Variants in PPP2R2C observed in about 807,000 individuals in gnomAD.
PPP2R2C encodes the protein protein phosphatase 2 regulatory subunit Bgamma, also known as protein phosphatase 2, regulatory subunit B, gamma.
In PPP2R2C, 10 loss-of-function variants were observed where a neutral mutation model predicts 45.3. That is an observed-to-expected ratio of 0.22 (90% CI 0.14 to 0.37). PPP2R2C has a LOEUF of 0.37. Among genes scored for constraint, PPP2R2C ranks in the 10% least tolerant of loss-of-function variants. The probability of loss-of-function intolerance (pLI) is 1.00; values close to 1 mark genes in which losing one functional copy is unlikely to be tolerated. For missense variants in PPP2R2C, 308 were observed against 619.7 expected, an observed-to-expected ratio of 0.50 and a Z score of 5.34; for synonymous variants, 257 against 245.4, an observed-to-expected ratio of 1.05 and a Z score of -0.44.
chr4:6,530,342 T>A (rs886236869), intron 2 of PPP2R2C, among the ~76,000 whole-genome samples: 14 of 152,120 alleles, frequency 9.2e-5, no homozygotes, highest in Non-Finnish European at 1.8e-4. Context: ...ACGCGACGTA[T>A]GTAGAAGCGT....
intron 2 of PPP2R2C, among the ~76,000 whole-genome samples, chr4:6,528,872 AC>A (rs995612851): frequency 9.2e-5 from 14 of 151,896 alleles, no homozygotes; most frequent in African/African-American, 3.4e-4. Flanking sequence ...TCCTTTACCT[AC>A]CCAAATCTTA....
At chr4:6,470,600 C>T (rs564261453) in intron 1 of PPP2R2C, among the ~76,000 whole-genome samples, 1 of 152,304 alleles carries the variant, frequency 6.6e-6, no homozygotes, top group East Asian at 1.9e-4. Context: ...GCTCTCGGCC[C>T]GAGCCAGGCC....
Position 6,329,216 on chromosome 4 carries a change from A to AT in PPP2R2C, c.1052+45_1052+46insA. The AT allele has an allele frequency of 1.3e-6, 2 of 1,562,214 alleles. No individual in the cohort carries two copies. Among genetic ancestry groups the AT allele is most frequent in the South Asian group, 2.2e-5 (2 of 89,024 alleles). On this transcript the variant is annotated intron_variant, in intron 8 of 8. Coordinates refer to ENST00000382599, the MANE Select transcript of PPP2R2C (RefSeq NM_020416.4). This position sits in a 1 kb window ranked among gnomAD's most constrained non-coding sequence, Gnocchi z 5.8. ...CAGCCCAGACCCCTGCAGGGCAGAA[A>AT]CCCTCCCTACGGTGAGGTGAGGTGC...
chr4:6,367,767 G>T (rs190099190), intron 5 of PPP2R2C, among the ~76,000 whole-genome samples: 2 of 152,184 alleles, frequency 1.3e-5, no homozygotes, highest in African/African-American at 2.4e-5. Flanking sequence ...GCACCCCATG[G>T]GGAGCCAAGC....
intron 5 of PPP2R2C, among the ~76,000 whole-genome samples, chr4:6,356,593 G>A (rs538001524): frequency 1.4e-4 from 21 of 152,360 alleles, no homozygotes; most frequent in Admixed American, 3.9e-4. Flanking sequence ...CTTCAGAAGG[G>A]CAATTGCACT....
At chr4:6,514,241 A>G (rs990365337) in intron 2 of PPP2R2C, among the ~76,000 whole-genome samples, 1 of 152,224 alleles carries the variant, frequency 6.6e-6, no homozygotes, top group Non-Finnish European at 1.5e-5. Flanking sequence ...ATTAACAGAA[A>G]TTTCATTTCA....
chr4:6,553,678 G>A (rs1015011030), intron 1 of PPP2R2C, among the ~76,000 whole-genome samples: 2 of 152,298 alleles, frequency 1.3e-5, no homozygotes, highest in East Asian at 1.9e-4. Context: ...CTGGGGGAAC[G>A]ACCCAAGTTT....
At chr4:6,342,635 G>A (rs895900556) in intron 6 of PPP2R2C, among the ~76,000 whole-genome samples, 9 of 152,176 alleles carry the variant, frequency 5.9e-5, no homozygotes, top group Non-Finnish European at 8.8e-5. Context: ...CCAGTGTTCC[G>A]GGCACGGCCC....
chr4:6,362,386 T>A (rs1160425418), intron 5 of PPP2R2C, among the ~76,000 whole-genome samples: 1 of 151,634 alleles, frequency 6.6e-6, no homozygotes, highest in Non-Finnish European at 1.5e-5. Context: ...GCCAGGGAGG[T>A]CTGTCAAGAA....
At chr4:6,356,955 T>C (rs1199351061) in intron 5 of PPP2R2C, among the ~76,000 whole-genome samples, 1 of 148,040 alleles carries the variant, frequency 6.8e-6, no homozygotes, top group East Asian at 2.0e-4. Context: ...TCATCTGCTG[T>C]GGCACCTCGG....
intron 2 of PPP2R2C, among the ~76,000 whole-genome samples, chr4:6,518,181 G>C (rs573724186): frequency 6.6e-6 from 1 of 152,248 alleles, no homozygotes; most frequent in South Asian, 2.1e-4. Context: ...TTATAACATT[G>C]AATGTACATA....
chr4:6,367,441 C>G (rs11731070), intron 5 of PPP2R2C, among the ~76,000 whole-genome samples: 1 of 151,876 alleles, frequency 6.6e-6, no homozygotes, highest in African/African-American at 2.4e-5. Flanking sequence ...TGGCTCTGCG[C>G]GGACACAGGC....
chr4:6,450,153 C>G (rs1720658811), intron 1 of PPP2R2C, among the ~76,000 whole-genome samples: 1 of 152,192 alleles, frequency 6.6e-6, no homozygotes, highest in Non-Finnish European at 1.5e-5. Context: ...ATTCCAGCAT[C>G]CCTGCCGGCT....
At chr4:6,552,514 C>G (rs575904091) in intron 1 of PPP2R2C, among the ~76,000 whole-genome samples, 13 of 151,864 alleles carry the variant, frequency 8.6e-5, no homozygotes, top group African/African-American at 3.1e-4. Flanking sequence ...CTCTTTCTTT[C>G]TCCCTCTCTT....
intron 4 of PPP2R2C, 47 bp downstream of exon 4, chr4:6,375,772 G>T: frequency 7.0e-7 from 1 of 1,431,126 alleles, no homozygotes; most frequent in Non-Finnish European, 9.7e-7. Flanking sequence ...AAAATCCTCA[G>T]GTGTAATAAA....
rs111520511 is a variant in PPP2R2C at position 6,529,713 on chromosome 4, C to T, written c.49+5558G>A. Among the ~76,000 whole-genome samples the T allele has an allele frequency of 2.6e-3, 399 of 152,346 alleles. 4 individuals carry two copies. The Middle Eastern group carries it at 0.061, about 23-fold the overall frequency. The stretch of plus-strand genomic sequence containing the variant: ...GCCCACATCTCTCTGCCCACTAGAC[C>T]GTGAGCCCTAGGTCTGCTTTGCCCA... On this transcript the variant is annotated intron_variant, in intron 2 of 9. Transcript: ENST00000506140.
chr4:6,469,572 A>T (rs1258490968), intron 1 of PPP2R2C, among the ~76,000 whole-genome samples: 1 of 152,232 alleles, frequency 6.6e-6, no homozygotes, highest in Non-Finnish European at 1.5e-5. Flanking sequence ...TTTTGATATT[A>T]GCAAAATCAC....
chr4:6,346,236 C>T (rs1711907337), intron 6 of PPP2R2C, among the ~76,000 whole-genome samples: 1 of 152,202 alleles, frequency 6.6e-6, no homozygotes, highest in Non-Finnish European at 1.5e-5. Flanking sequence ...TCCTCAAGTC[C>T]CAATCTCGTG....
intron 1 of PPP2R2C, chr4:6,413,764 G>A (rs1471964830): frequency 1.8e-6 from 2 of 1,108,290 alleles, no homozygotes; most frequent in Non-Finnish European, 2.5e-6. Flanking sequence ...GGCAGCTGGG[G>A]TCACTGAGAC....
Sources: gnomAD v4.1 joint callset for allele counts (sites outside exome capture counted in the v4.1 genomes callset) on GRCh38, gnomAD v4.1.1 for gene constraint, Gnocchi (gnomAD v3.1) non-coding constraint, MANE v1.5 for transcripts, NCBI Gene and HGNC (gene_info 2026-07-23, HGNC 2026-07-21) for gene names.